The following SMC1B variants were observed in gnomAD, a reference collection of about 807,000 sequenced individuals.
SMC1B encodes structural maintenance of chromosomes protein 1B.
SMC1B carries 60 observed loss-of-function variants against 157.9 expected under a neutral mutation model. The ratio of observed to expected loss-of-function variants is 0.38; its 90% confidence interval spans 0.31 to 0.47. The LOEUF (loss-of-function observed/expected upper bound fraction) is 0.47, where lower values mean the gene tolerates loss of function less well. Among genes scored for constraint, SMC1B ranks in the 20% least tolerant of loss-of-function variants. The pLI, the probability that SMC1B is intolerant of heterozygous loss-of-function variation, is 0.99. For synonymous variants in SMC1B, 445 were observed against 483.0 expected (o/e 0.92, Z 1.03); for missense variants, 1,165 against 1,426.2 (o/e 0.82, Z 2.95).
intron 14 of SMC1B, among the ~76,000 whole-genome samples, chr22:45,370,921 A>C (rs1411072134): frequency 6.6e-6 from 1 of 152,246 alleles, no homozygotes; most frequent in Admixed American, 6.5e-5. Flanking sequence ...GGTAAACGTC[A>C]GGCCTAAAAG....
chr22:45,398,531 G>A (rs974316458), intron 6 of SMC1B, among the ~76,000 whole-genome samples: 2 of 152,160 alleles, frequency 1.3e-5, no homozygotes, highest in Admixed American at 6.5e-5. Flanking sequence ...CAAAGTGACT[G>A]AGAAAAATCC....
chr22:45,397,952 C>T (rs986354159), intron 6 of SMC1B, among the ~76,000 whole-genome samples: 1 of 152,160 alleles, frequency 6.6e-6, no homozygotes, highest in African/African-American at 2.4e-5. Context: ...ACCCACTGAA[C>T]GTGGGTACAC....
At chr22:45,406,891 A>T in intron 2 of SMC1B, 26 bp from the exon 3 acceptor site, 4 of 1,487,824 alleles carry the variant, frequency 2.7e-6, no homozygotes, top group Non-Finnish European at 3.6e-6. Flanking sequence ...AAACCCTGTT[A>T]AAAAATATAT....
rs772412037 is a variant in SMC1B at position 45,396,334 on chromosome 22, A to C, written c.1254+12T>G. 1.3e-6 allele frequency: 2 copies of C among 1,599,308 alleles called. No individual in the cohort carries two copies. The highest frequency in any genetic ancestry group is 1.7e-6 in the Non-Finnish European group (2 of 1,174,188). On this transcript the variant is annotated intron_variant, in intron 7 of 24. Coordinates refer to ENST00000357450, the MANE Select transcript of SMC1B (RefSeq NM_148674.5). ...GAATGATTCTAAATCATTACTGTAC[A>C]ACCCAAGACACCTGAACTTCTCCAT...
chr22:45,353,952 A>T, intron 21 of SMC1B, 26 bp downstream of exon 21: 2 of 1,442,578 alleles, frequency 1.4e-6, no homozygotes, highest in Non-Finnish European at 1.9e-6. Context: ...AATTCTCACT[A>T]GTATTTGAGG....
chr22:45,386,987 G>A lies in SMC1B; in HGVS notation c.1791C>T (p.Val597=), dbSNP rs761616328. 3.1e-6 allele frequency: 5 copies of A among 1,613,790 alleles called. No individual in the cohort carries two copies. The highest frequency in any genetic ancestry group is 4.2e-6 in the Non-Finnish European group (5 of 1,179,878). Residue 597 remains valine (V), a synonymous_variant, in exon 11 of 25, where the codon GTC becomes GTT. Transcript: ENST00000357450. ...TCAGCTGAGGAAACTGAGTCTTTATGACATCAATCACCATTTTACAGCCTT... is the reference window on the plus strand; with the variant it reads ...TCAGCTGAGGAAACTGAGTCTTTATAACATCAATCACCATTTTACAGCCTT... ...ELKGCKMVID[V]IKTQFPQLKK... is the part of the protein sequence containing the mutation.
intron 1 of SMC1B, among the ~76,000 whole-genome samples, chr22:45,409,605 TAAATAAAAAC>T (rs1447740183): frequency 7.9e-6 from 1 of 126,002 alleles, no homozygotes; most frequent in African/African-American, 3.3e-5. Context: ...AATAAATAAA[TAAATAAAAAC>T]AAGAGAAGCT....
chr22:45,365,343 C>G (rs547844496), intron 15 of SMC1B, among the ~76,000 whole-genome samples: 1 of 152,264 alleles, frequency 6.6e-6, no homozygotes, highest in East Asian at 1.9e-4. Context: ...ACCTAGAATA[C>G]ACAGTGAATA....
Position 45,358,746 on chromosome 22 carries a change from T to G in SMC1B, c.2912A>C (p.Lys971Thr). The change falls in exon 19 of 25, where the codon AAA becomes ACA. Residue 971 changes from lysine to threonine, a missense_variant. Physicochemically the swap from Lys to Thr is moderately conservative, Grantham distance 78. Coordinates refer to ENST00000357450, the MANE Select transcript of SMC1B (RefSeq NM_148674.5). The part of the protein sequence containing the change: ...STQATIDIYE[K>T]EEAFEIDYSS... ...GTAGTCTATTTCAAAGGCTTCTTCT[T>G]TTTCATAGATATCAATTGTTGCCTG... 1 of 1,613,356 alleles carries G rather than the reference T, an allele frequency of 6.2e-7. No homozygotes were observed.
intron 23 of SMC1B, among the ~76,000 whole-genome samples, chr22:45,347,528 A>C (rs2086564633): frequency 6.6e-6 from 1 of 152,210 alleles, no homozygotes; most frequent in South Asian, 2.1e-4. Flanking sequence ...TGGTACCCCG[A>C]GACTGAAAAC....
At chr22:45,383,652 A>G in intron 11 of SMC1B, 39 bp from the exon 12 acceptor site, 1 of 1,522,444 alleles carries the variant, frequency 6.6e-7, no homozygotes, top group African/African-American at 1.4e-5. Flanking sequence ...AGAAATGTAC[A>G]TAAAGATACA....
chr22:45,353,134 G>A (rs780985731), intron 21 of SMC1B, among the ~76,000 whole-genome samples: 5 of 152,006 alleles, frequency 3.3e-5, no homozygotes, highest in Non-Finnish European at 7.4e-5. Flanking sequence ...AGCCAGGCTT[G>A]TTGGTATGCG....
In SMC1B at chr22:45,399,190, G is replaced by T. The variant is rs1208153882; in HGVS notation, c.1018C>A (p.Leu340Met). Residue 340 changes from leucine to methionine, a missense_variant, in exon 6 of 25, where the codon CTG (leucine) becomes ATG (methionine). Transcript: ENST00000357450. ...EDDIKALETELADLDAAWRSF... is the reference protein window; with the variant it reads ...EDDIKALETEMADLDAAWRSF... ...CTCCATGCAGCATCTAAATCAGCCA[G>T]CTCTGTCTCCAGGGCTTTTATATCA... The T allele has an allele frequency of 6.2e-7, 1 of 1,613,994 alleles. No individual in the cohort carries two copies. The highest frequency in any genetic ancestry group is 8.5e-7 in the Non-Finnish European group (1 of 1,179,956).
At chr22:45,361,197 AC>A (rs1400965857) in intron 17 of SMC1B, among the ~76,000 whole-genome samples, 1 of 152,102 alleles carries the variant, frequency 6.6e-6, no homozygotes, top group Non-Finnish European at 1.5e-5. Flanking sequence ...CTATCTCCTT[AC>A]CCTCTGTGCT....
At chr22:45,355,906 C>T (rs1294398568) in intron 19 of SMC1B, among the ~76,000 whole-genome samples, 1 of 152,134 alleles carries the variant, frequency 6.6e-6, no homozygotes, top group East Asian at 1.9e-4. Context: ...CCCATCTCTA[C>T]TAAAAATACA....
chr22:45,359,701 TC>T, intron 18 of SMC1B, 103 bp downstream of exon 18: 3 of 1,282,652 alleles, frequency 2.3e-6, no homozygotes, highest in Non-Finnish European at 3.2e-6. Context: ...TGAGATGTCT[TC>T]ACCACCCCTA....
At chr22:45,372,722 T>TTTTTTC (rs2146797702) in intron 12 of SMC1B, among the ~76,000 whole-genome samples, 1 of 148,386 alleles carries the variant, frequency 6.7e-6, no homozygotes, top group Non-Finnish European at 1.5e-5. Flanking sequence ...AGGTCTTTTT[T>TTTTTTC]TTTTTTTTGA....
chr22:45,366,759 C>G (rs557351614), intron 15 of SMC1B, among the ~76,000 whole-genome samples: 1 of 152,304 alleles, frequency 6.6e-6, no homozygotes, highest in Non-Finnish European at 1.5e-5. Flanking sequence ...CATGCATAAG[C>G]CGCTGCACTC....
At chr22:45,362,783 C>T in intron 16 of SMC1B, 102 bp downstream of exon 16, 1 of 911,434 alleles carries the variant, frequency 1.1e-6, no homozygotes, top group Admixed American at 2.5e-5. Context: ...TGTCCCCAAC[C>T]CCTTCACTAA....
Sources: gnomAD v4.1 joint callset for allele counts (sites outside exome capture counted in the v4.1 genomes callset) on GRCh38, gnomAD v4.1.1 for gene constraint, MANE v1.5 for transcripts, NCBI Gene and HGNC (gene_info 2026-07-23, HGNC 2026-07-21) for gene names.